DIP2C: variants seen among roughly 807,000 people sequenced by gnomAD.
DIP2C encodes disco-interacting protein 2 homolog C.
Under a neutral mutation model 192.4 loss-of-function variants are expected in DIP2C, and 33 were observed. That is an observed-to-expected ratio of 0.17 (90% CI 0.13 to 0.23). DIP2C has a LOEUF of 0.23. Among genes scored for constraint, DIP2C ranks in the 10% least tolerant of loss-of-function variants. The probability of loss-of-function intolerance (pLI) is 1.00; values close to 1 mark genes in which losing one functional copy is unlikely to be tolerated. For synonymous variants in DIP2C, 979 were observed against 864.1 expected, an observed-to-expected ratio of 1.13 and a Z score of -2.33; for missense variants, 1,537 against 2,110.1, an observed-to-expected ratio of 0.73 and a Z score of 5.32.
intron 31 of DIP2C, chr10:324,923 G>A (rs746773571): frequency 4.1e-5 from 22 of 532,190 alleles, no homozygotes; most frequent in South Asian, 1.1e-4. Flanking sequence ...CTTTTTTCAC[G>A]TATTTTATCT....
chr10:572,801 A>C (rs938139901), intron 1 of DIP2C, among the ~76,000 whole-genome samples: 7 of 152,340 alleles, frequency 4.6e-5, no homozygotes, highest in Admixed American at 3.3e-4. Context: ...GCAGGTGAGA[A>C]AATGACCCCT....
chr10:336,861 T>G (rs1004208557), intron 29 of DIP2C, among the ~76,000 whole-genome samples: 1 of 134,124 alleles, frequency 7.5e-6, no homozygotes. Flanking sequence ...AGGCCTAGAC[T>G]GGTGTGTGTG....
At chr10:559,465 T>G (rs1381206023) in intron 1 of DIP2C, among the ~76,000 whole-genome samples, 3 of 152,140 alleles carry the variant, frequency 2.0e-5, no homozygotes, top group African/African-American at 7.2e-5. Flanking sequence ...CCTGGACTCC[T>G]CAAAGCTCCC....
intron 4 of DIP2C, among the ~76,000 whole-genome samples, chr10:424,355 G>GTTTTTTTTTTT (rs557255878): frequency 1.2e-4 from 10 of 83,122 alleles, no homozygotes; most frequent in African/African-American, 4.5e-4. Flanking sequence ...ATCACCTTGG[G>GTTTTTTTTTTT]TTTTTTTTTT....
intron 1 of DIP2C, among the ~76,000 whole-genome samples, chr10:607,164 C>G (rs1852552947): frequency 1.3e-5 from 2 of 152,234 alleles, no homozygotes; most frequent in African/African-American, 4.8e-5. Context: ...ATTTCCAAAG[C>G]TCTACAAAGT....
chr10:545,663 T>C (rs1848246409), intron 1 of DIP2C, among the ~76,000 whole-genome samples: 1 of 152,170 alleles, frequency 6.6e-6, no homozygotes, highest in Non-Finnish European at 1.5e-5. Flanking sequence ...CCTCACAGTC[T>C]GCGGTGTCTG....
intron 1 of DIP2C, among the ~76,000 whole-genome samples, chr10:597,984 T>TACCCCAC (rs1851815988): frequency 6.6e-6 from 1 of 152,220 alleles, no homozygotes; most frequent in Non-Finnish European, 1.5e-5. Context: ...ACCTGGACTC[T>TACCCCAC]GGGGCTGACG....
intron 19 of DIP2C, chr10:364,906 A>G: frequency 5.3e-6 from 3 of 568,004 alleles, no homozygotes; most frequent in East Asian, 4.3e-5. Flanking sequence ...CTTGGTTTAC[A>G]AAACCACAAT....
chr10:578,886 G>A (rs57203648), intron 1 of DIP2C, among the ~76,000 whole-genome samples: 12,804 of 152,106 alleles, frequency 0.084, 869 homozygotes, highest in African/African-American at 0.19. Flanking sequence ...TACGTGCATA[G>A]AGCATACACA....
chr10:591,883 G>T (rs1851424216), intron 1 of DIP2C, among the ~76,000 whole-genome samples: 2 of 152,212 alleles, frequency 1.3e-5, no homozygotes, highest in African/African-American at 4.8e-5. Flanking sequence ...GACAGCGGCG[G>T]CCTGAATGAG....
intron 1 of DIP2C, among the ~76,000 whole-genome samples, chr10:581,912 C>T (rs1184269702): frequency 1.3e-5 from 2 of 152,130 alleles, no homozygotes; most frequent in Non-Finnish European, 2.9e-5. Context: ...GATGGGTTTA[C>T]GTGGACGACA....
At chr10:460,320 C>T (rs527847672) in intron 3 of DIP2C, among the ~76,000 whole-genome samples, 3 of 152,298 alleles carry the variant, frequency 2.0e-5, no homozygotes, top group Admixed American at 6.5e-5. Flanking sequence ...TGCTTAAAAT[C>T]GACTCCAATA....
At chr10:574,272 A>G (rs2077567646) in intron 1 of DIP2C, among the ~76,000 whole-genome samples, 1 of 152,358 alleles carries the variant, frequency 6.6e-6, no homozygotes. Flanking sequence ...AATTCCTAGC[A>G]GATTTTAGCA....
At chr10:318,306 T>A (rs764106394) in intron 31 of DIP2C, among the ~76,000 whole-genome samples, 6 of 152,174 alleles carry the variant, frequency 3.9e-5, no homozygotes, top group Non-Finnish European at 8.8e-5. Flanking sequence ...CTTCCCAGCC[T>A]TCCTGGAAGC....
At chr10:678,373 G>T (rs923490717) in intron 1 of DIP2C, among the ~76,000 whole-genome samples, 3 of 152,076 alleles carry the variant, frequency 2.0e-5, no homozygotes, top group East Asian at 1.9e-4. Context: ...AAAAAAGAAA[G>T]AATTTTTTAA....
chr10:337,020 TGTGTGTGTGTGTTGTGGAGGCCTAGACTG>T lies in DIP2C; in HGVS notation c.3584+4150_3584+4178del, dbSNP rs1306729121. Among the ~76,000 whole-genome samples the T allele has an allele frequency of 3.1e-3, 377 of 119,918 alleles. 37 individuals carry two copies. The highest frequency in any genetic ancestry group is 0.011 in the African/African-American group (352 of 30,894). 78.7% of individuals were successfully genotyped at this position (119,918 alleles called of 152,430 possible). On this transcript the variant is annotated intron_variant, in intron 29 of 36. Coordinates refer to ENST00000280886, the MANE Select transcript of DIP2C (RefSeq NM_014974.3). ...GTGGAGGCCTAGGCAGCTGTGTGTGTGTGTGTGTGTGTTGTGGAGGCCTAGACTGGTGTGTGTGTGTGTGTGTGTGTGTT... is the reference window on the plus strand; with the variant it reads ...GTGGAGGCCTAGGCAGCTGTGTGTGTGTGTGTGTGTGTGTGTGTGTGTGTT...
chr10:686,995 A>G (rs1831363587), intron 1 of DIP2C, among the ~76,000 whole-genome samples: 1 of 152,260 alleles, frequency 6.6e-6, no homozygotes, highest in African/African-American at 2.4e-5. Context: ...TCTGTAGGAA[A>G]TGAGCACTGG....
rs1855884339 is a variant in DIP2C at position 651,316 on chromosome 10, C to T, written c.85+38178G>A. ...TTACAAGCAGAGCCACCAACGTGGA[C>T]ACGATCCCATCAGGAACCACCTACT... On this transcript the variant is annotated intron_variant, in intron 1 of 36. Transcript: ENST00000280886. The surrounding 1 kb of genome is among the most constrained non-coding windows in gnomAD (Gnocchi z 4.1). The T allele has an allele frequency of 1.4e-6, 1 of 706,778 alleles. No homozygotes were observed. Among genetic ancestry groups the T allele is most frequent in the East Asian group, 2.7e-5 (1 of 37,282 alleles). 43.8% of individuals were successfully genotyped at this position (706,778 alleles called of 1,614,324 possible).
In DIP2C at chr10:371,837, T is replaced by A. The variant is rs146336966; in HGVS notation, c.1992-2204A>T. Among the ~76,000 whole-genome samples, 726 of 152,264 alleles carry A rather than the reference T, an allele frequency of 4.8e-3. 2 individuals are homozygous for A. The highest frequency in any genetic ancestry group is 0.014 in the Middle Eastern group (4 of 294). ...TCCAGCCTCCAGAAGTGAGACAAGT[T>A]TCTGTTGTTTAAACCACTCAGTGTG... On this transcript the variant is annotated intron_variant, in intron 17 of 36. Coordinates refer to ENST00000280886, the MANE Select transcript of DIP2C (RefSeq NM_014974.3).
Sources: allele counts gnomAD v4.1 joint callset (sites outside exome capture counted in the v4.1 genomes callset), GRCh38; gene constraint gnomAD v4.1.1; non-coding constraint Gnocchi (gnomAD v3.1); transcripts MANE v1.5; gene names NCBI Gene and HGNC (gene_info 2026-07-23, HGNC 2026-07-21).